RMDN2: variants seen among roughly 807,000 people sequenced by gnomAD.
The protein encoded by RMDN2 is regulator of microtubule dynamics protein 2.
In RMDN2, 61 loss-of-function variants were observed where a neutral mutation model predicts 52.8. The observed-to-expected ratio is 1.16, with a 90% CI of 0.94 to 1.43. The LOEUF is 1.43. Ranked by LOEUF, RMDN2 falls within the 40% of genes most tolerant of loss-of-function variation. The probability of loss-of-function intolerance (pLI) is 0.00; values close to 1 mark genes in which losing one functional copy is unlikely to be tolerated. For missense variants in RMDN2, 592 were observed against 475.3 expected (o/e 1.25, Z -2.28); for synonymous variants, 180 against 153.1 (o/e 1.18, Z -1.30).
chr2:37,927,568 T>C (rs992218138), intron 1 of RMDN2, among the ~76,000 whole-genome samples: 1 of 152,246 alleles, frequency 6.6e-6, no homozygotes. Flanking sequence ...CAAACTAGGC[T>C]ATATTTCTTA....
chr2:37,981,311 T>G lies in RMDN2; in HGVS notation c.759T>G (p.Asn253Lys). 6.2e-7 allele frequency: 1 copy of G among 1,607,624 alleles called. No homozygotes were observed. Among genetic ancestry groups the G allele is most frequent in the Non-Finnish European group, 8.5e-7 (1 of 1,174,092 alleles). ...AAACTTTAAGTGAAAGAGCTATTAA[T>G]AGAGCACCCATGAATGGACATTGTC... ...IGKTLSERAI[N>K]RAPMNGHCHL... Residue 253 changes from asparagine (N) to lysine (K), a missense_variant, in exon 5 of 11, where the codon AAT becomes AAG. Asn to Lys is a moderately conservative substitution (Grantham distance 94). Transcript: ENST00000354545.
At chr2:37,939,101 G>A (rs140923042) in intron 2 of RMDN2, among the ~76,000 whole-genome samples, 1 of 152,232 alleles carries the variant, frequency 6.6e-6, no homozygotes, top group Non-Finnish European at 1.5e-5. Flanking sequence ...TTGCATTTTT[G>A]TTCTCGTCGG....
intron 10 of RMDN2, among the ~76,000 whole-genome samples, chr2:38,007,186 C>T (rs1677227917): frequency 6.6e-6 from 1 of 152,144 alleles, no homozygotes; most frequent in Admixed American, 6.5e-5. Context: ...TGTATCTCTG[C>T]CAGGCTTTGG....
rs538981303 is a variant in RMDN2, at chr2:37,959,634, C to T, written c.453-14406C>T. On this transcript the variant is annotated intron_variant, in intron 2 of 10. Transcript: ENST00000354545. ...TCATTGATATTTTTGAAGGGTTTTTCGTGTCTCTATCCCCTTCAGTTCTGC... is the reference window on the plus strand; with the variant it reads ...TCATTGATATTTTTGAAGGGTTTTTTGTGTCTCTATCCCCTTCAGTTCTGC... Among the ~76,000 whole-genome samples the T allele has an allele frequency of 9.3e-4, 141 of 150,816 alleles. 12 individuals carry two copies. Among genetic ancestry groups the T allele is most frequent in the African/African-American group, 3.4e-3 (136 of 40,250 alleles).
chr2:37,929,579 C>G lies in RMDN2; in HGVS notation c.302C>G (p.Pro101Arg), dbSNP rs947142475. The change falls in exon 2 of 11, where the codon CCA becomes CGA. Residue 101 changes from proline (P) to arginine (R), a missense_variant. Pro to Arg is a moderately radical substitution (Grantham distance 103). Coordinates refer to ENST00000354545, the MANE Select transcript of RMDN2 (RefSeq NM_001170791.3). The part of the protein sequence containing the change: ...EEIRFLKEAI[P>R]KLEEYIQDEL... ...ATCAGATTTCTTAAAGAAGCTATTC[C>G]AAAGCTGGAGGAATATATACAAGAT... 8 of 1,551,700 alleles carry G rather than the reference C, an allele frequency of 5.2e-6. No individual in the cohort carries two copies. The highest frequency in any genetic ancestry group is 7.0e-6 in the Non-Finnish European group (8 of 1,146,956).
At chr2:37,992,601 G>C (rs1674955007) in intron 7 of RMDN2, among the ~76,000 whole-genome samples, 1 of 151,996 alleles carries the variant, frequency 6.6e-6, no homozygotes, top group Non-Finnish European at 1.5e-5. Flanking sequence ...TACACTTCCT[G>C]GTAATTTTTC....
At chr2:37,935,578 ACTC>A (rs1297403811) in intron 2 of RMDN2, among the ~76,000 whole-genome samples, 3 of 151,912 alleles carry the variant, frequency 2.0e-5, no homozygotes, top group African/African-American at 7.3e-5. Context: ...TACCCTCTCT[ACTC>A]CTTTCTGTCA....
chr2:38,005,013 A>G (rs1250403612), intron 10 of RMDN2, among the ~76,000 whole-genome samples: 1 of 152,040 alleles, frequency 6.6e-6, no homozygotes, highest in African/African-American at 2.4e-5. Context: ...CCATGTCCCT[A>G]CAAAGGACAT....
At position 37,989,625 on chromosome 2, in the gene RMDN2, T is replaced by C. The variant is rs1674492569; in HGVS notation, c.867+9T>C. On this transcript the variant is annotated intron_variant, in intron 6 of 10. Coordinates refer to ENST00000354545, the MANE Select transcript of RMDN2 (RefSeq NM_001170791.3). ...ATGGGCACCTCTTCAAGGTATTTCT[T>C]TTTTTTTTTTCATATTTCTTTTCAG... 1 of 1,510,566 alleles carries C rather than the reference T, an allele frequency of 6.6e-7. No individual in the cohort carries two copies. Among genetic ancestry groups the C allele is most frequent in the African/African-American group, 1.6e-5 (1 of 62,788 alleles). The allele number at this position is 1,510,566 out of a possible 1,614,324, so 93.6% of individuals were successfully genotyped here.
intron 2 of RMDN2, among the ~76,000 whole-genome samples, chr2:37,946,314 AG>A (rs1224968607): frequency 6.6e-6 from 1 of 152,094 alleles, no homozygotes; most frequent in Admixed American, 6.6e-5. Context: ...TTTTTCAGGG[AG>A]GGTGGACTGT....
chr2:37,999,880 C>T (rs923258842), intron 8 of RMDN2, among the ~76,000 whole-genome samples: 3 of 152,172 alleles, frequency 2.0e-5, no homozygotes, highest in Non-Finnish European at 4.4e-5. Context: ...TGAGCCTTTC[C>T]TGTCTGAATG....
intron 10 of RMDN2, among the ~76,000 whole-genome samples, chr2:38,032,170 C>G (rs973226351): frequency 2.6e-5 from 4 of 152,080 alleles, no homozygotes; most frequent in African/African-American, 9.7e-5. Context: ...CAAATTTTAA[C>G]ACCAGCGTAA....
downstream of RMDN2, among the ~76,000 whole-genome samples, chr2:38,021,264 C>T (rs1679350549): frequency 6.6e-6 from 1 of 152,166 alleles, no homozygotes; most frequent in Non-Finnish European, 1.5e-5. Flanking sequence ...ACGGACCAAT[C>T]AGCTCTCTGT....
rs530442868 is a variant in RMDN2 at position 38,043,360 on chromosome 2, C to G, written c.1714-23622C>G. Among the ~76,000 whole-genome samples, 327 of 152,228 alleles carry G rather than the reference C, an allele frequency of 2.1e-3. 1 individual carries two copies. Among genetic ancestry groups the G allele is most frequent in the African/African-American group, 7.3e-3 (304 of 41,566 alleles). On this transcript the variant is annotated intron_variant, in intron 10 of 10. Transcript: ENST00000234195. ...TAGCATGATACAGCTTTCTCCATCC[C>G]TTTACTTTTAATCTGTGTCTTTATA...
chr2:38,009,217 C>A (rs563561391), intron 10 of RMDN2, among the ~76,000 whole-genome samples: 4 of 152,054 alleles, frequency 2.6e-5, no homozygotes, highest in Non-Finnish European at 4.4e-5. Context: ...ATCTTTTTGG[C>A]GTTCTCTGTA....
At position 37,990,518 on chromosome 2, in the gene RMDN2, C is replaced by CAAAAAAAA. The variant is rs397812186; in HGVS notation, c.868-684_868-677dup. ...TGGGCAATAGAATGAGACTCCATCT[C>CAAAAAAAA]AAAAAAAAAAAAAAAAAAAAAAAAA... On this transcript the variant is annotated intron_variant, in intron 6 of 10. Transcript: ENST00000354545. Among the ~76,000 whole-genome samples the CAAAAAAAA allele has an allele frequency of 1.6e-4, 6 of 37,574 alleles. 1 individual carries two copies. The highest frequency in any genetic ancestry group is 7.2e-4 in the East Asian group (1 of 1,384). 24.7% of individuals were successfully genotyped at this position (37,574 alleles called of 152,430 possible). A position where few individuals can be genotyped will look rare whatever the true frequency, so the allele number is the denominator to read the frequency against.
At chr2:37,979,602 T>C (rs1452077339) in intron 4 of RMDN2, among the ~76,000 whole-genome samples, 2 of 152,226 alleles carry the variant, frequency 1.3e-5, no homozygotes, top group Admixed American at 6.5e-5. Flanking sequence ...TATGAATCTT[T>C]ATTTAAAGAA....
intron 10 of RMDN2, among the ~76,000 whole-genome samples, chr2:38,040,308 G>A (rs186019935): frequency 6.6e-6 from 1 of 152,060 alleles, no homozygotes; most frequent in East Asian, 1.9e-4. Flanking sequence ...CTGCATGTTG[G>A]CATCCTCCTA....
At chr2:37,950,734 C>G in intron 2 of RMDN2, 1 of 831,962 alleles carries the variant, frequency 1.2e-6, no homozygotes. Context: ...AACATTCTCC[C>G]CAGAGAGATT....
Sources: allele counts gnomAD v4.1 joint callset (sites outside exome capture counted in the v4.1 genomes callset), GRCh38; gene constraint gnomAD v4.1.1; transcripts MANE v1.5; gene names NCBI Gene and HGNC (gene_info 2026-07-23, HGNC 2026-07-21).